COPG2: variants seen among roughly 807,000 people sequenced by gnomAD.
COPG2 encodes the protein coatomer subunit gamma-2.
In COPG2, 37 loss-of-function variants were observed where a neutral mutation model predicts 46.3. The observed-to-expected ratio is 0.80, with a 90% confidence interval of 0.61 to 1.05. The LOEUF is 1.05. Ranked by LOEUF, COPG2 falls within the 50% of genes least tolerant of loss-of-function variation. The probability of loss-of-function intolerance (pLI) is 0.00; values close to 1 mark genes in which losing one functional copy is unlikely to be tolerated. For synonymous variants in COPG2, 159 were observed against 129.7 expected (o/e 1.23, Z -1.53); for missense variants, 427 against 387.8 (o/e 1.10, Z -0.85).
At chr7:130,572,012 T>G (rs925047589) in intron 9 of COPG2, among the ~76,000 whole-genome samples, 2 of 152,054 alleles carry the variant, frequency 1.3e-5, no homozygotes, top group African/African-American at 2.4e-5. Flanking sequence ...AAACATCACA[T>G]GTTCTCACTT....
At chr7:130,659,096 C>T (rs1795917131) in intron 4 of COPG2, among the ~76,000 whole-genome samples, 1 of 152,020 alleles carries the variant, frequency 6.6e-6, no homozygotes, top group Non-Finnish European at 1.5e-5. Flanking sequence ...TAGCTTACGC[C>T]TGCAATCCCA....
At chr7:130,590,260 A>C (rs571968640) in intron 9 of COPG2, among the ~76,000 whole-genome samples, 1 of 144,950 alleles carries the variant, frequency 6.9e-6, no homozygotes, top group East Asian at 2.0e-4. Flanking sequence ...CCCTCTCCCC[A>C]CGGTCTCCCT....
intron 9 of COPG2, among the ~76,000 whole-genome samples, chr7:130,584,408 C>T (rs1263376807): frequency 2.0e-5 from 3 of 151,976 alleles, no homozygotes; most frequent in Non-Finnish European, 2.9e-5. Flanking sequence ...AACAAGATAA[C>T]GATGCCCACT....
intron 11 of COPG2, among the ~76,000 whole-genome samples, chr7:130,562,974 G>T (rs1281027290): frequency 6.6e-6 from 1 of 152,186 alleles, no homozygotes; most frequent in African/African-American, 2.4e-5. Context: ...ACTGAGGGTT[G>T]AATTTTTTAT....
chr7:130,667,384 T>G, intron 2 of COPG2, 98 bp downstream of exon 2: 1 of 927,526 alleles, frequency 1.1e-6, no homozygotes, highest in South Asian at 1.6e-5. Context: ...TTACGTTTCT[T>G]GTTTTGCATG....
chr7:130,628,375 T>G (rs190681706), intron 5 of COPG2, among the ~76,000 whole-genome samples: 2 of 152,316 alleles, frequency 1.3e-5, no homozygotes, highest in African/African-American at 4.8e-5. Flanking sequence ...CTTTAAATTT[T>G]TTTTAGTTGT....
At chr7:130,600,174 G>T (rs1794608545) in intron 9 of COPG2, among the ~76,000 whole-genome samples, 1 of 152,038 alleles carries the variant, frequency 6.6e-6, no homozygotes, top group Non-Finnish European at 1.5e-5. Flanking sequence ...ACTATATATT[G>T]TTAATATTAA....
intron 9 of COPG2, among the ~76,000 whole-genome samples, chr7:130,588,238 C>T (rs1313264247): frequency 3.8e-4 from 58 of 151,928 alleles, no homozygotes; most frequent in African/African-American, 1.3e-3. Flanking sequence ...GTCAGTGTGG[C>T]GATTCCTCAG....
chr7:130,659,836 C>T (rs1273002274), intron 4 of COPG2, among the ~76,000 whole-genome samples: 3 of 151,882 alleles, frequency 2.0e-5, no homozygotes, highest in South Asian at 2.1e-4. Context: ...CGCTCAAACC[C>T]GGGAGGCGGA....
At chr7:130,587,637 T>G (rs1002609202) in intron 9 of COPG2, among the ~76,000 whole-genome samples, 1 of 152,246 alleles carries the variant, frequency 6.6e-6, no homozygotes, top group Non-Finnish European at 1.5e-5. Context: ...TATACAAAAA[T>G]TAATTCAAGA....
At chr7:130,609,353 G>A (rs1233029464) in intron 9 of COPG2, among the ~76,000 whole-genome samples, 8 of 152,134 alleles carry the variant, frequency 5.3e-5, no homozygotes, top group Admixed American at 5.2e-4. Flanking sequence ...CATGAGATCT[G>A]ATGGTTTTAA....
At chr7:130,628,016 G>A (rs374784268) in intron 5 of COPG2, among the ~76,000 whole-genome samples, 2 of 152,090 alleles carry the variant, frequency 1.3e-5, no homozygotes, top group Non-Finnish European at 1.5e-5. Flanking sequence ...TTCAACTAAC[G>A]AGAAGTCCAT....
Position 130,506,632 on chromosome 7 carries a change from C to T in COPG2, c.*44G>A, listed in dbSNP as rs1418191673. The T allele has an allele frequency of 8.3e-6, 6 of 719,760 alleles. No individual in the cohort carries two copies. Among genetic ancestry groups the T allele is most frequent in the South Asian group, 3.1e-5 (2 of 65,010 alleles). The allele number at this position is 719,760 out of a possible 1,614,324, so 44.6% of individuals were successfully genotyped here. A position where few individuals can be genotyped will look rare whatever the true frequency, so the allele number is the denominator to read the frequency against. ...CTGATGCCACTAGCCTAAAAGCCCA[C>T]TGACCATGTAGTGTGCATCAGTTTC... On this transcript the variant is annotated 3_prime_UTR_variant, in exon 24 of 24. Coordinates refer to ENST00000425248, the MANE Select transcript of COPG2 (RefSeq NM_012133.6).
At chr7:130,651,855 G>T (rs1795754532) in intron 5 of COPG2, among the ~76,000 whole-genome samples, 1 of 151,872 alleles carries the variant, frequency 6.6e-6, no homozygotes, top group African/African-American at 2.4e-5. Flanking sequence ...GTTTCACCAT[G>T]TTGGCCAGGT....
At chr7:130,547,610 G>A in intron 20 of COPG2, 64 bp downstream of exon 20, 1 of 398,508 alleles carries the variant, frequency 2.5e-6, no homozygotes, top group Non-Finnish European at 4.4e-6. Context: ...CATTTGAAGA[G>A]TTGAAGAGCT....
At chr7:130,608,334 G>T in intron 9 of COPG2, 1 of 304,764 alleles carries the variant, frequency 3.3e-6, no homozygotes, top group South Asian at 3.2e-5. Flanking sequence ...AGTAAAAATT[G>T]TATATATTTA....
chr7:130,517,935 T>G (rs943572343), intron 20 of COPG2, among the ~76,000 whole-genome samples: 1 of 146,962 alleles, frequency 6.8e-6, no homozygotes, highest in Non-Finnish European at 1.5e-5. Flanking sequence ...TTGTTGAAGA[T>G]TGCAATGAGT....
chr7:130,636,742 T>TATGTGAATTTGATCCTTTC lies in COPG2; in HGVS notation c.323+16108_323+16126dup, dbSNP rs1422404949. Among the ~76,000 whole-genome samples the TATGTGAATTTGATCCTTTC allele has an allele frequency of 3.3e-4, 50 of 152,340 alleles. No individual in the cohort carries two copies. The Middle Eastern group carries it at 0.017, about 52-fold the overall frequency. On this transcript the variant is annotated intron_variant, in intron 5 of 23. Coordinates refer to ENST00000425248, the MANE Select transcript of COPG2 (RefSeq NM_012133.6). ...TTTACATTTAAGGTTGATATTGTTA[T>TATGTGAATTTGATCCTTTC]ATGTGAATTTGATCCTTTCATTATG...
At chr7:130,551,133 C>A in intron 16 of COPG2, 108 bp downstream of exon 16, 1 of 394,014 alleles carries the variant, frequency 2.5e-6, no homozygotes, top group Non-Finnish European at 4.5e-6. Flanking sequence ...CACTCAAAGA[C>A]AAAAACCAAG....
Sources: allele counts gnomAD v4.1 joint callset (sites outside exome capture counted in the v4.1 genomes callset), GRCh38; gene constraint gnomAD v4.1.1; transcripts MANE v1.5; gene names NCBI Gene and HGNC (gene_info 2026-07-23, HGNC 2026-07-21).